CACNA1D: variants seen among roughly 807,000 people sequenced by gnomAD.
CACNA1D encodes calcium voltage-gated channel subunit alpha1 D.
Under a neutral mutation model 257.1 loss-of-function variants are expected in CACNA1D, and 55 were observed. The observed-to-expected ratio is 0.21, with a 90% CI of 0.17 to 0.27. The LOEUF (loss-of-function observed/expected upper bound fraction) is 0.27, where lower values mean the gene tolerates loss of function less well. Ranked by LOEUF, CACNA1D falls within the 10% of genes least tolerant of loss-of-function variation. CACNA1D has a pLI of 1.00. For missense variants in CACNA1D, 1,876 were observed against 2,784.0 expected (o/e 0.67, Z 7.34); for synonymous variants, 980 against 1,014.9 (o/e 0.97, Z 0.65).
chr3:53,701,739 A>G (rs9830632), intron 8 of CACNA1D, among the ~76,000 whole-genome samples: 49,257 of 152,110 alleles, frequency 0.32, 8,686 homozygotes, highest in African/African-American at 0.46. Flanking sequence ...AAATTGGGTA[A>G]TCGTCCACCT....
intron 3 of CACNA1D, among the ~76,000 whole-genome samples, chr3:53,640,870 G>A (rs937465623): frequency 1.3e-5 from 2 of 152,254 alleles, no homozygotes; most frequent in Non-Finnish European, 2.9e-5. Context: ...TGTTATGGCC[G>A]GGGGATGGGG....
Position 53,501,482 on chromosome 3 carries a change from C to G in CACNA1D, c.378-133C>G. The G allele has an allele frequency of 1.2e-5, 8 of 647,862 alleles. No individual in the cohort carries two copies. The South Asian group carries it at 1.4e-4, about 12-fold the overall frequency. 40.1% of individuals were successfully genotyped at this position (647,862 alleles called of 1,614,324 possible). On this transcript the variant is annotated intron_variant, in intron 2 of 47. Transcript: ENST00000350061. ...TCTGCCGAAAACCTAGCAGTCACAG[C>G]AGTCAGCCGAAATAGGATTTGTGTA... is the stretch of plus-strand genomic sequence containing the variant.
intron 28 of CACNA1D, among the ~76,000 whole-genome samples, chr3:53,752,618 C>T (rs2095235429): frequency 1.3e-5 from 2 of 152,282 alleles, no homozygotes; most frequent in African/African-American, 2.4e-5. Context: ...AGGCTGGTCC[C>T]GAACTCGTGA....
chr3:53,610,575 G>A (rs750321481), intron 3 of CACNA1D, among the ~76,000 whole-genome samples: 1 of 152,160 alleles, frequency 6.6e-6, no homozygotes, highest in Non-Finnish European at 1.5e-5. Flanking sequence ...ACCAGTTTTA[G>A]TTGGGCTTTA....
intron 3 of CACNA1D, among the ~76,000 whole-genome samples, chr3:53,563,340 A>G (rs1206241159): frequency 6.6e-6 from 1 of 152,144 alleles, no homozygotes; most frequent in Non-Finnish European, 1.5e-5. Context: ...CCTGGCTGAC[A>G]TGATGAAACC....
chr3:53,640,314 T>C (rs895837026), intron 3 of CACNA1D, among the ~76,000 whole-genome samples: 9 of 152,326 alleles, frequency 5.9e-5, no homozygotes, highest in Admixed American at 2.0e-4. Flanking sequence ...TGGGATGGGA[T>C]GCAAAGGCCT....
intron 25 of CACNA1D, 130 bp downstream of exon 25, chr3:53,746,005 G>A: frequency 1.4e-6 from 1 of 732,358 alleles, no homozygotes; most frequent in South Asian, 1.5e-5. Context: ...CTTGTGGGTA[G>A]ATAGATGGTG....
Position 53,810,152 on chromosome 3 carries a change from C to T in CACNA1D, c.6046C>T (p.Leu2016=), listed in dbSNP as rs372634200. ...SEALDQVNGS[L]PSLHRSSWYT... ...GGCCCTGGACCAGGTGAACGGCAGC[C>T]TGCCGTCCCTGCACCGCAGCTCCTG... The change falls in exon 47 of 48, where the codon CTG becomes TTG. Residue 2016 remains leucine, a synonymous_variant. Transcript: ENST00000350061. The T allele has an allele frequency of 9.3e-5, 150 of 1,613,870 alleles. No individual in the cohort carries two copies. The highest frequency in any genetic ancestry group is 1.2e-4 in the Non-Finnish European group (143 of 1,180,046).
intron 40 of CACNA1D, among the ~76,000 whole-genome samples, chr3:53,796,740 G>A (rs3774605): frequency 0.34 from 51,418 of 152,040 alleles, 9,052 homozygotes; most frequent in African/African-American, 0.39. Context: ...CAGGCAAAGC[G>A]CCAACATTTC....
chr3:53,805,847 TTCC>T (rs1489906126), intron 45 of CACNA1D, among the ~76,000 whole-genome samples: 2 of 121,968 alleles, frequency 1.6e-5, no homozygotes, highest in Non-Finnish European at 3.4e-5. Flanking sequence ...TCCTCCATCT[TTCC>T]TCCTCCTCCC....
At position 53,536,370 on chromosome 3, in the gene CACNA1D, A is replaced by G. The variant is rs535894523; in HGVS notation, c.483+34650A>G. On this transcript the variant is annotated intron_variant, in intron 3 of 47. Coordinates refer to ENST00000350061, the MANE Select transcript of CACNA1D (RefSeq NM_001128840.3). ...GACCATTTACTTTTTTTTTTAACTG[A>G]GAAAATAGATTCTATCTCTAATGAA... Among the ~76,000 whole-genome samples, 9 of 152,236 alleles carry G rather than the reference A, an allele frequency of 5.9e-5. No homozygotes were observed. The East Asian group carries it at 1.5e-3, about 26-fold the overall frequency.
At chr3:53,744,001 G>A (rs2095142507) in intron 22 of CACNA1D, among the ~76,000 whole-genome samples, 1 of 152,110 alleles carries the variant, frequency 6.6e-6, no homozygotes, top group Non-Finnish European at 1.5e-5. Context: ...TAACTCCCAG[G>A]CTGTTCATGT....
intron 9 of CACNA1D, among the ~76,000 whole-genome samples, chr3:53,708,817 G>T (rs928715491): frequency 6.6e-6 from 1 of 152,086 alleles, no homozygotes; most frequent in Admixed American, 6.5e-5. Flanking sequence ...GAAGTTTGGG[G>T]CCTCTACTTC....
chr3:53,587,492 C>G (rs1465286242), intron 3 of CACNA1D, among the ~76,000 whole-genome samples: 1 of 152,100 alleles, frequency 6.6e-6, no homozygotes, highest in Non-Finnish European at 1.5e-5. Context: ...CATTTTGGGA[C>G]ATGCTGAGTT....
intron 32 of CACNA1D, among the ~76,000 whole-genome samples, chr3:53,771,497 G>A (rs760287199): frequency 5.3e-5 from 8 of 152,152 alleles, no homozygotes; most frequent in Non-Finnish European, 7.3e-5. Context: ...GACAGCAAGC[G>A]GGGTGGTGCA....
intron 3 of CACNA1D, among the ~76,000 whole-genome samples, chr3:53,647,844 C>T (rs1392303852): frequency 6.6e-6 from 1 of 152,138 alleles, no homozygotes; most frequent in African/African-American, 2.4e-5. Flanking sequence ...CAGTTGGCAT[C>T]ATGGTAGAAT....
At chr3:53,765,997 C>T (rs2095329952) in intron 30 of CACNA1D, 1 of 152,260 alleles carries the variant, frequency 6.6e-6, no homozygotes, top group Non-Finnish European at 1.5e-5. Context: ...ATGAAATGAC[C>T]CAGCAACATA....
At chr3:53,614,690 A>G (rs1482917827) in intron 3 of CACNA1D, among the ~76,000 whole-genome samples, 1 of 152,256 alleles carries the variant, frequency 6.6e-6, no homozygotes, top group Non-Finnish European at 1.5e-5. Context: ...TAATCAGTGT[A>G]TAACTGGTAC....
At chr3:53,567,285 T>C (rs948623554) in intron 3 of CACNA1D, among the ~76,000 whole-genome samples, 2 of 152,204 alleles carry the variant, frequency 1.3e-5, no homozygotes, top group Non-Finnish European at 2.9e-5. Flanking sequence ...ACTAAAATTA[T>C]AAGAATTTAT....
Sources: allele counts gnomAD v4.1 joint callset (sites outside exome capture counted in the v4.1 genomes callset), GRCh38; gene constraint gnomAD v4.1.1; transcripts MANE v1.5; gene names NCBI Gene and HGNC (gene_info 2026-07-23, HGNC 2026-07-21).